Variants in PTPRT observed in about 807,000 individuals in gnomAD.
PTPRT encodes the protein receptor-type tyrosine-protein phosphatase T.
PTPRT carries 56 observed loss-of-function variants against 176.8 expected under a neutral mutation model. That is an observed-to-expected ratio of 0.32 (90% CI 0.26 to 0.40). The LOEUF (loss-of-function observed/expected upper bound fraction) is 0.40. Among genes scored for constraint, PTPRT ranks in the 10% least tolerant of loss-of-function variants. The pLI, the probability that PTPRT is intolerant of heterozygous loss-of-function variation, is 1.00. For synonymous variants in PTPRT, 783 were observed against 739.0 expected, an observed-to-expected ratio of 1.06 and a Z score of -0.96; for missense variants, 1,540 against 1,908.2, an observed-to-expected ratio of 0.81 and a Z score of 3.60.
At position 42,119,041 on chromosome 20, in the gene PTPRT, AG is replaced by A. The variant is rs759519702; in HGVS notation, c.2885-542del. On this transcript the variant is annotated intron_variant, in intron 20 of 30. Coordinates refer to ENST00000373187, the MANE Select transcript of PTPRT (RefSeq NM_007050.6). ...AAAAAAAAAAAAAAAAAAAAAAAAA[AG>A]ACCAGGAGCAGAAAATAGGCTCTGA... 4.3e-3 allele frequency among the ~76,000 whole-genome samples: 626 copies of A among 146,548 alleles called. 13 individuals carry two copies. The highest frequency in any genetic ancestry group is 0.014 in the African/African-American group (537 of 39,166).
intron 16 of PTPRT, among the ~76,000 whole-genome samples, chr20:42,187,026 G>C (rs1990809391): frequency 6.6e-6 from 1 of 152,128 alleles, no homozygotes; most frequent in Admixed American, 6.6e-5. Flanking sequence ...CATATAATTA[G>C]GATATCAACT....
chr20:42,353,002 T>C (rs1240580363), intron 9 of PTPRT, among the ~76,000 whole-genome samples: 1 of 152,228 alleles, frequency 6.6e-6, no homozygotes, highest in Non-Finnish European at 1.5e-5. Flanking sequence ...TCCAAACTAT[T>C]ATCATTTCAA....
At chr20:43,034,305 C>T (rs1600663648) in intron 1 of PTPRT, among the ~76,000 whole-genome samples, 1 of 152,178 alleles carries the variant, frequency 6.6e-6, no homozygotes. Context: ...AAACCCCCTC[C>T]CTTTGATGCA....
In PTPRT at chr20:42,118,508, C is replaced by A; in HGVS notation, c.2885-8G>T. On this transcript the variant is annotated splice_region_variant and splice_polypyrimidine_tract_variant and intron_variant, in intron 20 of 30. Transcript: ENST00000373187. ...CAGTCTCCTGCATCGGACCTGCCAACAGAGAAGACAGTGAGGTTAGAGAAT... is the reference window on the plus strand; with the variant it reads ...CAGTCTCCTGCATCGGACCTGCCAAAAGAGAAGACAGTGAGGTTAGAGAAT... 1 of 1,599,670 alleles carries A rather than the reference C, an allele frequency of 6.3e-7. No homozygotes were observed. The highest frequency in any genetic ancestry group is 1.1e-5 in the South Asian group (1 of 88,598).
intron 2 of PTPRT, among the ~76,000 whole-genome samples, chr20:42,827,329 A>G (rs760516135): frequency 3.9e-4 from 60 of 152,252 alleles, no homozygotes; most frequent in Non-Finnish European, 8.4e-4. Context: ...AAAATGCAAA[A>G]GAACCACAAT....
intron 2 of PTPRT, among the ~76,000 whole-genome samples, chr20:42,833,329 T>C (rs208228): frequency 0.086 from 12,923 of 150,488 alleles, 694 homozygotes; most frequent in Admixed American, 0.15. Flanking sequence ...GCCAACACTA[T>C]GAGAGGCTGA....
chr20:42,117,277 T>G (rs1269857340), intron 21 of PTPRT, among the ~76,000 whole-genome samples: 1 of 152,238 alleles, frequency 6.6e-6, no homozygotes, highest in Admixed American at 6.5e-5. Context: ...TTCATCTTTA[T>G]GAATTATCTG....
intron 7 of PTPRT, among the ~76,000 whole-genome samples, chr20:42,510,647 C>T (rs977134325): frequency 6.6e-6 from 1 of 151,960 alleles, no homozygotes; most frequent in South Asian, 2.1e-4. Context: ...CAAGACAAAG[C>T]GGTAGAACTA....
intron 16 of PTPRT, among the ~76,000 whole-genome samples, chr20:42,179,788 T>C (rs1277836789): frequency 1.3e-5 from 2 of 152,172 alleles, no homozygotes; most frequent in Non-Finnish European, 1.5e-5. Flanking sequence ...TAAGTCTGAA[T>C]GGGGTAGGTG....
At chr20:42,093,335 G>A (rs3091932) in intron 27 of PTPRT, among the ~76,000 whole-genome samples, 95,613 of 152,016 alleles carry the variant, frequency 0.63, 30,502 homozygotes, top group African/African-American at 0.73. Context: ...ATTTTACCCC[G>A]CAAATCTGAC....
intron 1 of PTPRT, among the ~76,000 whole-genome samples, chr20:42,984,815 C>T (rs969337340): frequency 5.3e-5 from 8 of 152,134 alleles, no homozygotes; most frequent in Admixed American, 6.5e-5. Flanking sequence ...GTCATAAGAA[C>T]AAAGAGTTCA....
At chr20:43,156,824 A>G (rs2014535725) in intron 1 of PTPRT, among the ~76,000 whole-genome samples, 1 of 152,190 alleles carries the variant, frequency 6.6e-6, no homozygotes, top group African/African-American at 2.4e-5. Context: ...CACCAGCCAC[A>G]AGGGCTTCCC....
chr20:42,173,421 A>T (rs1990158171), intron 16 of PTPRT, among the ~76,000 whole-genome samples: 2 of 152,342 alleles, frequency 1.3e-5, no homozygotes, highest in South Asian at 4.1e-4. Flanking sequence ...TGTTTTAGAA[A>T]ATAAACATCT....
At chr20:42,694,515 T>C (rs1361518442) in intron 6 of PTPRT, among the ~76,000 whole-genome samples, 2 of 152,222 alleles carry the variant, frequency 1.3e-5, no homozygotes, top group Non-Finnish European at 2.9e-5. Context: ...TGAACAGTTA[T>C]GTATAGGTTT....
intron 9 of PTPRT, among the ~76,000 whole-genome samples, chr20:42,385,907 C>T (rs1369712453): frequency 2.0e-5 from 3 of 152,156 alleles, no homozygotes. Context: ...TGGGACATAG[C>T]AAGACCATAT....
At chr20:42,701,861 T>C (rs1435529639) in intron 6 of PTPRT, among the ~76,000 whole-genome samples, 1 of 152,110 alleles carries the variant, frequency 6.6e-6, no homozygotes, top group East Asian at 1.9e-4. Flanking sequence ...TCCCCAAAGG[T>C]ACTGTGGAAC....
At chr20:42,554,131 C>T (rs185561544) in intron 7 of PTPRT, among the ~76,000 whole-genome samples, 46 of 152,196 alleles carry the variant, frequency 3.0e-4, no homozygotes, top group Non-Finnish European at 2.6e-4. Flanking sequence ...TCCGTAATTG[C>T]CTACAGAGAG....
At chr20:42,867,199 T>C (rs2078760580) in intron 2 of PTPRT, among the ~76,000 whole-genome samples, 1 of 152,172 alleles carries the variant, frequency 6.6e-6, no homozygotes, top group Non-Finnish European at 1.5e-5. Flanking sequence ...TTTTAGTTAA[T>C]TCCCCACATA....
At chr20:42,614,299 G>A (rs747497092) in intron 7 of PTPRT, among the ~76,000 whole-genome samples, 24 of 152,064 alleles carry the variant, frequency 1.6e-4, no homozygotes, top group Non-Finnish European at 1.6e-4. Flanking sequence ...CACACCTAAT[G>A]ACCTTATCTT....
Sources: gnomAD v4.1 joint callset for allele counts (sites outside exome capture counted in the v4.1 genomes callset) on GRCh38, gnomAD v4.1.1 for gene constraint, MANE v1.5 for transcripts, NCBI Gene and HGNC (gene_info 2026-07-23, HGNC 2026-07-21) for gene names.